Variants in NT5DC3 observed in about 807,000 individuals in gnomAD.
NT5DC3 encodes the protein 5'-nucleotidase domain-containing protein 3.
A neutral mutation model predicts 67.8 loss-of-function variants in NT5DC3; 42 were observed. The observed-to-expected ratio is 0.62, with a 90% confidence interval of 0.48 to 0.80. The LOEUF (loss-of-function observed/expected upper bound fraction) is 0.80, where lower values mean the gene tolerates loss of function less well. Ranked by LOEUF, NT5DC3 falls within the 30% of genes least tolerant of loss-of-function variation. NT5DC3 has a pLI of 0.00. For synonymous variants in NT5DC3, 237 were observed against 255.6 expected (o/e 0.93, Z 0.69); for missense variants, 570 against 696.4 (o/e 0.82, Z 2.04).
At chr12:103,787,412 C>A in intron 11 of NT5DC3, 29 bp downstream of exon 11, 2 of 1,207,158 alleles carry the variant, frequency 1.7e-6, no homozygotes, top group Non-Finnish European at 2.3e-6. Context: ...CACATCTGTC[C>A]CCCAACAAAG....
chr12:103,818,619 G>A (rs140054199), intron 1 of NT5DC3, among the ~76,000 whole-genome samples: 16 of 152,178 alleles, frequency 1.1e-4, no homozygotes, highest in African/African-American at 3.4e-4. Context: ...CAGGTGATCC[G>A]CCTGCCTCCA....
Position 103,806,817 on chromosome 12 carries a change from AT to A in NT5DC3, c.468+37del, listed in dbSNP as rs764546365. 10 of 1,250,208 alleles carry A rather than the reference AT, an allele frequency of 8.0e-6. No individual in the cohort carries two copies. In the East Asian group the frequency reaches 2.3e-4, roughly 29 times the overall value. 77.4% of individuals were successfully genotyped at this position (1,250,208 alleles called of 1,614,324 possible). A position where few individuals can be genotyped will look rare whatever the true frequency, so the allele number is the denominator to read the frequency against. ...CCAACAGTACATTTCATTTCCAAAC[AT>A]CATTAAACCATAGAAAAACAGGAGA... is the stretch of plus-strand genomic sequence containing the variant. On this transcript the variant is annotated intron_variant, in intron 3 of 13. Transcript: ENST00000392876.
intron 2 of NT5DC3, among the ~76,000 whole-genome samples, chr12:103,814,272 A>T (rs1426339326): frequency 2.0e-5 from 3 of 152,154 alleles, no homozygotes; most frequent in Admixed American, 1.3e-4. Context: ...AAATTGTTCA[A>T]CCCATGGAAG....
chr12:103,761,492 C>T, the NT5DC3 span: 2 of 1,238,502 alleles, frequency 1.6e-6, no homozygotes, highest in Non-Finnish European at 2.3e-6. Flanking sequence ...ACCAGAAGCC[C>T]TGTCCTCCTC....
intron 1 of NT5DC3, among the ~76,000 whole-genome samples, chr12:103,839,636 T>C (rs1464411816): frequency 2.0e-5 from 3 of 152,188 alleles, no homozygotes; most frequent in Non-Finnish European, 2.9e-5. Flanking sequence ...CTGGGTTTGA[T>C]AATCTTCTAT....
At chr12:103,831,888 C>G (rs909978379) in intron 1 of NT5DC3, among the ~76,000 whole-genome samples, 1 of 151,194 alleles carries the variant, frequency 6.6e-6, no homozygotes, top group Admixed American at 6.6e-5. Context: ...CCAATTCTCA[C>G]GCCTCAGCCT....
At chr12:103,755,870 C>T in the NT5DC3 span, 2 of 682,074 alleles carry the variant, frequency 2.9e-6, no homozygotes, top group African/African-American at 3.6e-5. Flanking sequence ...CTAGTTTTGC[C>T]ACTCACTTGT....
chr12:103,798,879 A>G (rs1397770364), intron 4 of NT5DC3, among the ~76,000 whole-genome samples: 2 of 152,252 alleles, frequency 1.3e-5, no homozygotes, highest in Non-Finnish European at 2.9e-5. Context: ...TGGTAACAAG[A>G]GCAGGAATAA....
rs202019811 is a variant in NT5DC3 at position 103,814,939 on chromosome 12, G to A, written c.391C>T (p.Arg131Trp). The change falls in exon 2 of 14, where the codon CGG becomes TGG. Residue 131 changes from arginine (R) to tryptophan (W), a missense_variant and splice_region_variant. Arg to Trp is a moderately radical substitution (Grantham distance 101). This residue lies in a region of NT5DC3 where 466 missense variants were observed against 608.0 expected (regional missense o/e 0.77). Transcript: ENST00000392876. ...AARDLLINEH[R>W]YPAEIRKYEY... ...CTGAAATGTCCCTGTGATCTTACCC[G>A]GTGTTCATTGATGAGAAGGTCCCGT... is the stretch of plus-strand genomic sequence containing the variant. 1.7e-5 allele frequency: 27 copies of A among 1,602,134 alleles called. No individual in the cohort carries two copies. The highest frequency in any genetic ancestry group is 5.7e-5 in the South Asian group (5 of 88,424).
chr12:103,771,805 C>A (rs1885189566), downstream of NT5DC3, among the ~76,000 whole-genome samples: 1 of 152,168 alleles, frequency 6.6e-6, no homozygotes, highest in Admixed American at 6.5e-5. Flanking sequence ...AGCTCATTCA[C>A]AACTCCAGGA....
chr12:103,809,354 C>G (rs1215658656), intron 2 of NT5DC3, among the ~76,000 whole-genome samples: 36 of 152,258 alleles, frequency 2.4e-4, no homozygotes, highest in Admixed American at 2.4e-3. Context: ...CCTCCACACA[C>G]TCACATTCCG....
At chr12:103,812,871 T>G (rs1439670089) in intron 2 of NT5DC3, among the ~76,000 whole-genome samples, 2 of 152,268 alleles carry the variant, frequency 1.3e-5, no homozygotes, top group African/African-American at 4.8e-5. Context: ...GAGTGTTTTC[T>G]ATGTGCCATC....
At chr12:103,804,179 C>T (rs1886703117) in intron 4 of NT5DC3, among the ~76,000 whole-genome samples, 1 of 152,212 alleles carries the variant, frequency 6.6e-6, no homozygotes, top group Admixed American at 6.5e-5. Context: ...CCACCACCTC[C>T]TCTCCATCCT....
intron 6 of NT5DC3, among the ~76,000 whole-genome samples, 193 bp downstream of exon 6, chr12:103,796,701 T>G (rs577157843): frequency 6.6e-6 from 1 of 152,380 alleles, no homozygotes; most frequent in South Asian, 2.1e-4. Flanking sequence ...TTAACAAAAC[T>G]TTTGACTGAT....
chr12:103,829,248 CTG>C (rs1165551027), intron 1 of NT5DC3, among the ~76,000 whole-genome samples: 2 of 152,174 alleles, frequency 1.3e-5, no homozygotes, highest in African/African-American at 4.8e-5. Context: ...CATATAGTCT[CTG>C]TTGCAACTGC....
At chr12:103,767,899 G>A (rs1166666098), downstream of NT5DC3, among the ~76,000 whole-genome samples, 1 of 151,442 alleles carries the variant, frequency 6.6e-6, no homozygotes, top group Non-Finnish European at 1.5e-5. Context: ...TGACTAACAT[G>A]GTGAAACCCC....
At chr12:103,753,325 C>A in the NT5DC3 span, 1 of 1,614,246 alleles carries the variant, frequency 6.2e-7, no homozygotes, top group Non-Finnish European at 8.5e-7. Context: ...ACCATGGCAA[C>A]CTACAACCAG....
chr12:103,781,249 A>G (rs1487334483), intron 12 of NT5DC3, among the ~76,000 whole-genome samples: 1 of 152,218 alleles, frequency 6.6e-6, no homozygotes, highest in Non-Finnish European at 1.5e-5. Flanking sequence ...ACCTGGAGGA[A>G]AACACCAAGC....
the NT5DC3 span, among the ~76,000 whole-genome samples, chr12:103,748,601 C>CAT: frequency 6.6e-5 from 2 of 30,372 alleles, no homozygotes; most frequent in African/African-American, 2.6e-4. Flanking sequence ...CACACACACA[C>CAT]ACATACACAC....
Sources: gnomAD v4.1 joint callset for allele counts (sites outside exome capture counted in the v4.1 genomes callset) on GRCh38, gnomAD v4.1.1 for gene constraint, gnomAD v4.1.1 regional missense constraint, MANE v1.5 for transcripts, NCBI Gene and HGNC (gene_info 2026-07-23, HGNC 2026-07-21) for gene names.